ANKRD28: variants seen among roughly 807,000 people sequenced by gnomAD.
The protein encoded by ANKRD28 is serine/threonine-protein phosphatase 6 regulatory ankyrin repeat subunit A.
In ANKRD28, 44 loss-of-function variants were observed where a neutral mutation model predicts 126.5. The ratio of observed to expected loss-of-function variants is 0.35; its 90% confidence interval spans 0.27 to 0.45. The LOEUF is 0.45. Ranked by LOEUF, ANKRD28 falls within the 20% of genes least tolerant of loss-of-function variation. The probability of loss-of-function intolerance (pLI) is 1.00; values close to 1 mark genes in which losing one functional copy is unlikely to be tolerated. For missense variants in ANKRD28, 1,110 were observed against 1,316.6 expected (o/e 0.84, Z 2.43); for synonymous variants, 442 against 468.5 (o/e 0.94, Z 0.73).
intron 11 of ANKRD28, among the ~76,000 whole-genome samples, chr3:15,711,799 G>T (rs886304762): frequency 1.3e-5 from 2 of 151,782 alleles, no homozygotes; most frequent in African/African-American, 4.8e-5. Flanking sequence ...CGATTCTCCT[G>T]CCTCAGCCTC....
intron 1 of ANKRD28, among the ~76,000 whole-genome samples, chr3:15,825,525 C>G (rs2125920800): frequency 6.6e-6 from 1 of 151,842 alleles, no homozygotes; most frequent in African/African-American, 2.4e-5. Flanking sequence ...ATTCAGAAAA[C>G]TAAATGGAAA....
At chr3:15,689,981 A>G in intron 18 of ANKRD28, 38 bp downstream of exon 18, 2 of 1,516,140 alleles carry the variant, frequency 1.3e-6, no homozygotes, top group Non-Finnish European at 1.8e-6. Flanking sequence ...AGTATTGGAT[A>G]GAAGTTATAA....
intron 1 of ANKRD28, among the ~76,000 whole-genome samples, chr3:15,803,426 G>A (rs893019632): frequency 2.0e-5 from 3 of 152,058 alleles, no homozygotes; most frequent in African/African-American, 7.2e-5. Flanking sequence ...AGACCAGCCT[G>A]ACCAACATGG....
At chr3:15,786,665 T>C (rs2059795236) in intron 2 of ANKRD28, among the ~76,000 whole-genome samples, 1 of 152,130 alleles carries the variant, frequency 6.6e-6, no homozygotes, top group African/African-American at 2.4e-5. Context: ...TCTGAGGCAC[T>C]AGCTGAGAAC....
chr3:15,785,927 G>C (rs1437881904), intron 2 of ANKRD28, among the ~76,000 whole-genome samples: 1 of 151,924 alleles, frequency 6.6e-6, no homozygotes, highest in East Asian at 1.9e-4. Context: ...CTAAGTGAAA[G>C]ACGCCAACCT....
intron 1 of ANKRD28, among the ~76,000 whole-genome samples, chr3:15,810,985 C>T (rs13080234): frequency 0.47 from 70,749 of 151,998 alleles, 19,401 homozygotes; most frequent in Non-Finnish European, 0.6. Flanking sequence ...GACCTACAAT[C>T]CCCTATAAAT....
chr3:15,727,939 G>A (rs1433866744), intron 6 of ANKRD28, among the ~76,000 whole-genome samples: 1 of 152,146 alleles, frequency 6.6e-6, no homozygotes, highest in Non-Finnish European at 1.5e-5. Context: ...CTCCAATTTT[G>A]AAGGAAATTC....
chr3:15,769,153 A>G (rs2058882368), intron 2 of ANKRD28, among the ~76,000 whole-genome samples: 1 of 152,220 alleles, frequency 6.6e-6, no homozygotes, highest in African/African-American at 2.4e-5. Context: ...CAACACAGAA[A>G]GTGAGTCATC....
Position 15,826,871 on chromosome 3 carries a change from A to G in ANKRD28, c.28-31565T>C, listed in dbSNP as rs1481114428. Among the ~76,000 whole-genome samples the G allele has an allele frequency of 2.6e-5, 4 of 152,320 alleles. No individual in the cohort carries two copies. The East Asian group carries it at 7.7e-4, about 29-fold the overall frequency. On this transcript the variant is annotated intron_variant, in intron 1 of 27. Coordinates refer to the ANKRD28 transcript ENST00000399451. The stretch of plus-strand genomic sequence containing the variant: ...AAAGTGCAAGGGAGAGATCAATATT[A>G]CATATACATACAAATTAGGACTACA...
intron 2 of ANKRD28, among the ~76,000 whole-genome samples, chr3:15,790,046 GA>G (rs1029549152): frequency 2.0e-5 from 3 of 152,000 alleles, no homozygotes; most frequent in Admixed American, 2.0e-4. Flanking sequence ...GGAAAATATA[GA>G]AGAAATGGAC....
intron 3 of ANKRD28, 68 bp from the exon 4 acceptor site, chr3:15,751,888 T>C (rs1484575260): frequency 1.1e-5 from 12 of 1,064,440 alleles, no homozygotes; most frequent in Admixed American, 9.2e-5. Context: ...TCTCCTGAAA[T>C]AGTAGTTATA....
At chr3:15,723,201 GTCT>G (rs2073904735) in intron 7 of ANKRD28, among the ~76,000 whole-genome samples, 1 of 152,162 alleles carries the variant, frequency 6.6e-6, no homozygotes, top group South Asian at 2.1e-4. Context: ...TTTTTGCAAC[GTCT>G]TCTTGTGATC....
rs181603463 is a variant in ANKRD28 at position 15,681,817 on chromosome 3, G to A, written c.2390-2254C>T. 1.8e-3 allele frequency among the ~76,000 whole-genome samples: 271 copies of A among 152,212 alleles called. 4 individuals carry two copies. The highest frequency in any genetic ancestry group is 3.7e-4 in the Non-Finnish European group (25 of 67,994). The stretch of plus-strand genomic sequence containing the variant: ...TTTTTGTTTATCACAACTGAAGGTG[G>A]GGCAGTGCAACTGGCATCTAGTGGG... On this transcript the variant is annotated intron_variant, in intron 21 of 27. Coordinates refer to ENST00000683139, the MANE Select transcript of ANKRD28 (RefSeq NM_001349278.2).
intron 7 of ANKRD28, among the ~76,000 whole-genome samples, chr3:15,721,484 A>G (rs2073723613): frequency 6.6e-6 from 1 of 152,244 alleles, no homozygotes; most frequent in Non-Finnish European, 1.5e-5. Context: ...ATCATAAAAA[A>G]TGAACACAAA....
chr3:15,840,538 AC>A (rs774955060), intron 1 of ANKRD28, among the ~76,000 whole-genome samples: 26 of 152,206 alleles, frequency 1.7e-4, no homozygotes, highest in Non-Finnish European at 3.2e-4. Context: ...AGAAAAAAAA[AC>A]AATCCTAACA....
In ANKRD28 at chr3:15,710,612, T is replaced by C. The variant is rs1453657837; in HGVS notation, c.1337+599A>G. Among the ~76,000 whole-genome samples the C allele has an allele frequency of 2.0e-5, 3 of 152,354 alleles. No homozygotes were observed. In the East Asian group the frequency reaches 5.8e-4, roughly 29 times the overall value. ...TGCAAAATGTCCTTTTGAGAAATCA[T>C]GAATTAAATGGCTTATCACAGATCT... On this transcript the variant is annotated intron_variant, in intron 12 of 27. Transcript: ENST00000683139.
chr3:15,719,585 T>C (rs980746195), intron 8 of ANKRD28, among the ~76,000 whole-genome samples: 6 of 152,204 alleles, frequency 3.9e-5, no homozygotes, highest in Admixed American at 6.5e-5. Flanking sequence ...TATTCATTCA[T>C]TTGAGGCAAG....
intron 4 of ANKRD28, chr3:15,738,944 G>A (rs1422862852): frequency 6.6e-6 from 1 of 152,192 alleles, no homozygotes; most frequent in East Asian, 1.9e-4. Context: ...TCTCAGGGAT[G>A]TTCCTTGCTG....
intron 3 of ANKRD28, among the ~76,000 whole-genome samples, chr3:15,762,929 T>C (rs906904614): frequency 2.6e-5 from 4 of 152,218 alleles, no homozygotes; most frequent in African/African-American, 9.6e-5. Context: ...CAAAAGATCA[T>C]GGAGGTGCTA....
Sources: allele counts gnomAD v4.1 joint callset (sites outside exome capture counted in the v4.1 genomes callset), GRCh38; gene constraint gnomAD v4.1.1; transcripts MANE v1.5; gene names NCBI Gene and HGNC (gene_info 2026-07-23, HGNC 2026-07-21).